Variants in DGKB observed in about 807,000 individuals in gnomAD.
DGKB encodes the protein diacylglycerol kinase beta.
Under a neutral mutation model 114.3 loss-of-function variants are expected in DGKB, and 67 were observed. The ratio of observed to expected loss-of-function variants is 0.59; its 90% CI spans 0.48 to 0.72. The LOEUF is 0.72. Ranked by LOEUF, DGKB falls within the 30% of genes least tolerant of loss-of-function variation. DGKB has a pLI of 0.00. For synonymous variants in DGKB, 398 were observed against 323.1 expected (o/e 1.23, Z -2.49); for missense variants, 907 against 975.2 (o/e 0.93, Z 0.93).
At chr7:14,746,198 G>T (rs905309535) in intron 4 of DGKB, among the ~76,000 whole-genome samples, 2 of 152,124 alleles carry the variant, frequency 1.3e-5, no homozygotes, top group Non-Finnish European at 2.9e-5. Context: ...AATTAGCATG[G>T]TGGCATGTGC....
intron 22 of DGKB, 58 bp from the exon 23 acceptor site, chr7:14,338,768 T>C: frequency 8.8e-7 from 1 of 1,132,298 alleles, no homozygotes; most frequent in Non-Finnish European, 1.2e-6. Context: ...TTCCCTGATT[T>C]CTTGTTTTTC....
chr7:14,518,316 G>A (rs558162271), intron 20 of DGKB, among the ~76,000 whole-genome samples: 6 of 152,180 alleles, frequency 3.9e-5, no homozygotes, highest in African/African-American at 1.4e-4. Flanking sequence ...CTTTGAGGGT[G>A]AAGATTAAGA....
At chr7:14,826,082 A>T (rs144625907) in intron 2 of DGKB, among the ~76,000 whole-genome samples, 33 of 152,288 alleles carry the variant, frequency 2.2e-4, no homozygotes, top group African/African-American at 7.7e-4. Context: ...TGGGGCTTGC[A>T]CGAAGTAGCA....
At chr7:14,499,975 C>T (rs1785894351) in intron 20 of DGKB, among the ~76,000 whole-genome samples, 1 of 151,832 alleles carries the variant, frequency 6.6e-6, no homozygotes, top group African/African-American at 2.4e-5. Flanking sequence ...AGGTCAACTT[C>T]AAATGTTAGA....
chr7:14,766,876 G>A (rs1484100532), intron 2 of DGKB, among the ~76,000 whole-genome samples: 1 of 151,762 alleles, frequency 6.6e-6, no homozygotes, highest in Non-Finnish European at 1.5e-5. Flanking sequence ...AAAGTGTCAT[G>A]TAATATCAAG....
At chr7:14,461,916 T>C (rs1171710241) in intron 21 of DGKB, among the ~76,000 whole-genome samples, 2 of 152,174 alleles carry the variant, frequency 1.3e-5, no homozygotes, top group South Asian at 2.1e-4. Flanking sequence ...AACGATCACC[T>C]TGACCTCATC....
chr7:14,536,543 C>T (rs747025429), intron 20 of DGKB, among the ~76,000 whole-genome samples: 1 of 152,054 alleles, frequency 6.6e-6, no homozygotes, highest in Non-Finnish European at 1.5e-5. Context: ...ATGACCTTAG[C>T]AAACAAAAGA....
chr7:14,699,658 G>A (rs1585769916), intron 7 of DGKB, among the ~76,000 whole-genome samples: 1 of 151,870 alleles, frequency 6.6e-6, no homozygotes, highest in Admixed American at 6.6e-5. Flanking sequence ...ACACCTTAAA[G>A]GTACCAAGAC....
In DGKB at chr7:14,251,122, C is replaced by G. The variant is rs551705669; in HGVS notation, c.2123-72971G>C. ...TTTTGACTGGAAACTTTAATCTACT[C>G]AAATTTAATGTAATTGTTACTAGGA... On this transcript the variant is annotated intron_variant, in intron 23 of 25. Transcript: ENST00000402815. Among the ~76,000 whole-genome samples, 6 of 152,222 alleles carry G rather than the reference C, an allele frequency of 3.9e-5. 1 individual carries two copies. In the South Asian group the frequency reaches 1.2e-3, roughly 32 times the overall value.
chr7:14,259,399 CTCTCTCTCTATATA>C (rs750411973), intron 23 of DGKB, among the ~76,000 whole-genome samples: 2 of 100,852 alleles, frequency 2.0e-5, no homozygotes, highest in Non-Finnish European at 4.5e-5. Flanking sequence ...CTCTCTCTCT[CTCTCTCTCTATATA>C]TATATATATA....
intron 20 of DGKB, among the ~76,000 whole-genome samples, chr7:14,481,278 C>T (rs1782952347): frequency 6.6e-6 from 1 of 151,656 alleles, no homozygotes; most frequent in African/African-American, 2.4e-5. Context: ...AGTAAAATTG[C>T]CCTAAATCTC....
At chr7:14,530,593 C>T (rs767916961) in intron 20 of DGKB, among the ~76,000 whole-genome samples, 9 of 151,310 alleles carry the variant, frequency 5.9e-5, no homozygotes, top group South Asian at 2.1e-4. Flanking sequence ...GTTTACCATA[C>T]GATATTGGGA....
At chr7:14,770,024 T>C (rs1404684581) in intron 2 of DGKB, among the ~76,000 whole-genome samples, 1 of 152,092 alleles carries the variant, frequency 6.6e-6, no homozygotes, top group African/African-American at 2.4e-5. Context: ...TTTGGACATA[T>C]CTATTTTAAA....
chr7:14,300,099 T>C (rs1261218574), intron 23 of DGKB, among the ~76,000 whole-genome samples: 1 of 152,040 alleles, frequency 6.6e-6, no homozygotes, highest in Non-Finnish European at 1.5e-5. Context: ...CAAAAAATAG[T>C]ATAAAATACT....
At chr7:14,868,340 A>ATTT (rs397732601) in intron 1 of DGKB, among the ~76,000 whole-genome samples, 3 of 144,458 alleles carry the variant, frequency 2.1e-5, no homozygotes, top group African/African-American at 5.1e-5. Context: ...TTTCCTTTTC[A>ATTT]TTTTTTTTTT....
At chr7:14,503,960 C>T (rs1429349719) in intron 20 of DGKB, among the ~76,000 whole-genome samples, 1 of 152,086 alleles carries the variant, frequency 6.6e-6, no homozygotes, top group Non-Finnish European at 1.5e-5. Flanking sequence ...ATTAAAGCTG[C>T]CTTAGAAAAT....
At chr7:14,682,512 T>C (rs1563896270) in intron 12 of DGKB, 41 bp downstream of exon 12, 1 of 1,341,642 alleles carries the variant, frequency 7.5e-7, no homozygotes, top group African/African-American at 1.4e-5. Flanking sequence ...ACGTCTTCAG[T>C]GTGGGTGAAT....
intron 1 of DGKB, among the ~76,000 whole-genome samples, chr7:14,938,609 T>C (rs1375112399): frequency 7.5e-6 from 1 of 133,740 alleles, no homozygotes; most frequent in Non-Finnish European, 1.7e-5. Context: ...TATTCTTTTC[T>C]TTCTTTCTTT....
At chr7:14,555,328 C>T (rs767782195) in intron 20 of DGKB, among the ~76,000 whole-genome samples, 3 of 152,078 alleles carry the variant, frequency 2.0e-5, no homozygotes, top group African/African-American at 7.2e-5. Context: ...TTTGTGCCAC[C>T]GTATTTTAGT....
Sources: allele counts gnomAD v4.1 joint callset (sites outside exome capture counted in the v4.1 genomes callset), GRCh38; gene constraint gnomAD v4.1.1; transcripts MANE v1.5; gene names NCBI Gene and HGNC (gene_info 2026-07-23, HGNC 2026-07-21).